The following OTUD7B variants were observed in gnomAD, a reference collection of about 807,000 sequenced individuals.
The protein encoded by OTUD7B is OTU deubiquitinase 7B, also known as OTU domain-containing protein 7B.
A neutral mutation model predicts 82.2 loss-of-function variants in OTUD7B; 34 were observed. That is an observed-to-expected ratio of 0.41 (90% CI 0.31 to 0.55). The LOEUF is 0.55. Ranked by LOEUF, OTUD7B falls within the 20% of genes least tolerant of loss-of-function variation. The pLI, the probability that OTUD7B is intolerant of heterozygous loss-of-function variation, is 0.20. For synonymous variants in OTUD7B, 398 were observed against 402.7 expected (o/e 0.99, Z 0.14); for missense variants, 944 against 1,062.1 (o/e 0.89, Z 1.55).
At chr1:149,993,447 C>A (rs933680226) in intron 1 of OTUD7B, among the ~76,000 whole-genome samples, 1 of 151,996 alleles carries the variant, frequency 6.6e-6, no homozygotes, top group African/African-American at 2.4e-5. Context: ...CAGAGAAAAC[C>A]CCAAGATAGA....
At chr1:150,039,540 T>C in the OTUD7B span, among the ~76,000 whole-genome samples, 1 of 151,700 alleles carries the variant, frequency 6.6e-6, no homozygotes, top group Non-Finnish European at 1.5e-5. Flanking sequence ...CCATGCCCAG[T>C]TAATTTTTTG....
At chr1:149,954,892 C>T (rs1648545569) in intron 7 of OTUD7B, among the ~76,000 whole-genome samples, 1 of 151,870 alleles carries the variant, frequency 6.6e-6, no homozygotes, top group Non-Finnish European at 1.5e-5. Flanking sequence ...GGTGATATGC[C>T]CTTTATCATT....
At chr1:150,035,026 C>T in the OTUD7B span, among the ~76,000 whole-genome samples, 2 of 151,910 alleles carry the variant, frequency 1.3e-5, no homozygotes, top group African/African-American at 4.8e-5. Flanking sequence ...CACCTGTAAT[C>T]CCAGCTACTC....
chr1:150,001,566 T>G (rs967193814), intron 1 of OTUD7B, among the ~76,000 whole-genome samples: 1 of 152,116 alleles, frequency 6.6e-6, no homozygotes, highest in Non-Finnish European at 1.5e-5. Context: ...CCAAGTTATC[T>G]CCCCTAAAAC....
intron 1 of OTUD7B, among the ~76,000 whole-genome samples, chr1:149,978,949 GGC>G: frequency 6.6e-6 from 1 of 151,248 alleles, no homozygotes; most frequent in South Asian, 2.1e-4. Context: ...AAAGTGGCAA[GGC>G]AAATAAACAA....
In OTUD7B at chr1:149,950,223, TG is replaced by T; in HGVS notation, c.846-3del. 2 of 1,613,882 alleles carry T rather than the reference TG, an allele frequency of 1.2e-6. No homozygotes were observed. The highest frequency in any genetic ancestry group is 1.3e-5 in the African/African-American group (1 of 74,982). On this transcript the variant is annotated splice_polypyrimidine_tract_variant and splice_region_variant and intron_variant, in intron 7 of 11. Transcript: ENST00000581312. ...ACAGGCTCCTCAGAACTCTCCACCC[TG>T]GAACGACGGGAAGGGAGAGAGTGAA...
At chr1:149,953,144 T>C (rs1262168271) in intron 7 of OTUD7B, among the ~76,000 whole-genome samples, 3 of 152,192 alleles carry the variant, frequency 2.0e-5, no homozygotes, top group Admixed American at 2.0e-4. Context: ...CTGAAGGGTA[T>C]TGCCTAGGTT....
chr1:150,043,250 C>G, the OTUD7B span, among the ~76,000 whole-genome samples: 1 of 152,094 alleles, frequency 6.6e-6, no homozygotes, highest in Non-Finnish European at 1.5e-5. Flanking sequence ...CTAAGTGATA[C>G]CCTGATAAGC....
intron 1 of OTUD7B, among the ~76,000 whole-genome samples, chr1:150,004,207 C>G (rs890034331): frequency 1.3e-4 from 20 of 152,136 alleles, no homozygotes; most frequent in Non-Finnish European, 1.5e-4. Flanking sequence ...TCCCTCCCAG[C>G]CAACCTGTGT....
At chr1:150,059,530 C>T in the OTUD7B span, among the ~76,000 whole-genome samples, 109 of 151,814 alleles carry the variant, frequency 7.2e-4, no homozygotes, top group African/African-American at 2.4e-3. Flanking sequence ...CCATCACACC[C>T]GGCTAATTTT....
intron 1 of OTUD7B, among the ~76,000 whole-genome samples, chr1:149,991,422 C>T (rs1651561912): frequency 6.6e-6 from 1 of 152,138 alleles, no homozygotes; most frequent in Non-Finnish European, 1.5e-5. Flanking sequence ...ATAACACAAT[C>T]TGATAGTTCT....
At chr1:150,055,053 T>TTG in the OTUD7B span, 1 of 189,186 alleles carries the variant, frequency 5.3e-6, no homozygotes, top group East Asian at 1.5e-4. Context: ...TTTTTTTTTT[T>TTG]TTGAGACGGA....
Position 149,959,718 on chromosome 1 carries a change from T to C in OTUD7B, c.811A>G (p.Met271Val). 6.2e-7 allele frequency: 1 copy of C among 1,613,874 alleles called. No homozygotes were observed. The highest frequency in any genetic ancestry group is 8.5e-7 in the Non-Finnish European group (1 of 1,179,798). Residue 271 changes from methionine to valine, a missense_variant, in exon 7 of 12, where the codon ATG becomes GTG. Coordinates refer to ENST00000581312, the MANE Select transcript of OTUD7B (RefSeq NM_020205.4). The stretch of plus-strand genomic sequence containing the variant: ...TTGGCTCCATTGGTACCTAGATGCA[T>C]TCGGGGTTCACTTGAGGCAAGCTTG... ...LIKLASSEPRMHLGTNGANCG... is the reference protein window; with the variant it reads ...LIKLASSEPRVHLGTNGANCG...
chr1:150,006,566 G>A (rs1652687536), intron 1 of OTUD7B, among the ~76,000 whole-genome samples: 1 of 148,988 alleles, frequency 6.7e-6, no homozygotes, highest in African/African-American at 2.6e-5. Context: ...AAAGGGATAA[G>A]GTATAATCCT....
the OTUD7B span, among the ~76,000 whole-genome samples, chr1:150,049,756 T>A: frequency 2.0e-5 from 3 of 151,588 alleles, no homozygotes; most frequent in Admixed American, 2.0e-4. Flanking sequence ...CGCAATTAAT[T>A]TCTGTATTTT....
At chr1:149,951,456 C>A (rs1648247269) in intron 7 of OTUD7B, among the ~76,000 whole-genome samples, 1 of 152,164 alleles carries the variant, frequency 6.6e-6, no homozygotes, top group Non-Finnish European at 1.5e-5. Flanking sequence ...GTCTACCACA[C>A]TGTTCATCCA....
chr1:150,044,901 A>AG, the OTUD7B span, among the ~76,000 whole-genome samples: 1 of 134 alleles, frequency 7.5e-3, no homozygotes, highest in Non-Finnish European at 0.018. Flanking sequence ...TTAAATTGGC[A>AG]GGGGAAAAAA....
Position 149,946,922 on chromosome 1 carries a change from G to A in OTUD7B, c.1323+329C>T, listed in dbSNP as rs782755449. On this transcript the variant is annotated intron_variant, in intron 11 of 11. Transcript: ENST00000581312. ...ACAAAAATTAGCTGGGCGTGGTGGC[G>A]CATGCCTGTAATACCAGCTACTCAG... is the stretch of plus-strand genomic sequence containing the variant. Among the ~76,000 whole-genome samples, 89 of 151,728 alleles carry A rather than the reference G, an allele frequency of 5.9e-4. 1 individual carries two copies. The highest frequency in any genetic ancestry group is 1.1e-3 in the Non-Finnish European group (75 of 67,940).
Position 149,959,548 on chromosome 1 carries a change from C to T in OTUD7B, c.845+136G>A, listed in dbSNP as rs1049809561. 88 of 635,134 alleles carry T rather than the reference C, an allele frequency of 1.4e-4. 1 individual carries two copies. The highest frequency in any genetic ancestry group is 2.3e-4 in the Admixed American group (8 of 35,268). The allele number at this position is 635,134 out of a possible 1,614,324, so 39.3% of individuals were successfully genotyped here. The stretch of plus-strand genomic sequence containing the variant: ...TTCCTAAACATATCATGTTGTTACA[C>T]ACTTTTGTGCCCTTAGCATAGTTCC... On this transcript the variant is annotated intron_variant, in intron 7 of 11. Transcript: ENST00000581312.
Sources: gnomAD v4.1 joint callset for allele counts (sites outside exome capture counted in the v4.1 genomes callset) on GRCh38, gnomAD v4.1.1 for gene constraint, MANE v1.5 for transcripts, NCBI Gene and HGNC (gene_info 2026-07-23, HGNC 2026-07-21) for gene names.